The following DENND1A variants were observed in gnomAD, a reference collection of about 807,000 sequenced individuals.
DENND1A encodes the protein DENN domain containing 1A.
In DENND1A, 51 loss-of-function variants were observed where a neutral mutation model predicts 113.7. That is an observed-to-expected ratio of 0.45 (90% confidence interval 0.36 to 0.57). DENND1A has a LOEUF of 0.57. Among genes scored for constraint, DENND1A ranks in the 20% least tolerant of loss-of-function variants. The pLI, the probability that DENND1A is intolerant of heterozygous loss-of-function variation, is 0.00. For missense variants in DENND1A, 1,258 were observed against 1,395.9 expected, an observed-to-expected ratio of 0.90 and a Z score of 1.57; for synonymous variants, 565 against 570.8, an observed-to-expected ratio of 0.99 and a Z score of 0.14.
chr9:123,490,007 C>T (rs975022673), intron 13 of DENND1A, among the ~76,000 whole-genome samples: 1 of 152,114 alleles, frequency 6.6e-6, no homozygotes, highest in Non-Finnish European at 1.5e-5. Flanking sequence ...TCTCAGGAGA[C>T]TGGAACAATA....
chr9:123,629,866 C>A (rs913776594), intron 10 of DENND1A, among the ~76,000 whole-genome samples: 10 of 152,132 alleles, frequency 6.6e-5, no homozygotes, highest in African/African-American at 2.4e-4. Context: ...TAGGAAAAAA[C>A]AAACAAACAA....
chr9:123,432,099 T>C (rs1055760983), intron 19 of DENND1A, among the ~76,000 whole-genome samples: 1 of 152,230 alleles, frequency 6.6e-6, no homozygotes, highest in Non-Finnish European at 1.5e-5. Context: ...TCCAGCTCTC[T>C]ATAACGAGAG....
chr9:123,685,139 A>G (rs1254615790), intron 5 of DENND1A, among the ~76,000 whole-genome samples: 3 of 152,244 alleles, frequency 2.0e-5, no homozygotes, highest in African/African-American at 4.8e-5. Context: ...AGGCTGAAAC[A>G]TATGTAAATG....
At chr9:123,538,727 C>A (rs2055996065) in intron 13 of DENND1A, among the ~76,000 whole-genome samples, 1 of 138,630 alleles carries the variant, frequency 7.2e-6, no homozygotes, top group Non-Finnish European at 1.5e-5. Flanking sequence ...ATGTTGAAAT[C>A]CACCAGGCAA....
At chr9:123,482,965 T>G (rs979796370) in intron 13 of DENND1A, among the ~76,000 whole-genome samples, 1 of 152,074 alleles carries the variant, frequency 6.6e-6, no homozygotes, top group African/African-American at 2.4e-5. Flanking sequence ...ACCCTAAAAT[T>G]TGGGTGGCTG....
intron 12 of DENND1A, among the ~76,000 whole-genome samples, chr9:123,561,421 T>C (rs1231475457): frequency 6.6e-6 from 1 of 152,226 alleles, no homozygotes; most frequent in Non-Finnish European, 1.5e-5. Context: ...AGACCTCTTG[T>C]CACCCTGAAA....
chr9:123,410,511 C>A (rs1220148633), intron 20 of DENND1A, among the ~76,000 whole-genome samples: 2 of 152,142 alleles, frequency 1.3e-5, no homozygotes, highest in Non-Finnish European at 2.9e-5. Context: ...TGTGGACTCG[C>A]GACGGTCACA....
At chr9:123,554,473 T>C (rs927912312) in intron 13 of DENND1A, among the ~76,000 whole-genome samples, 2 of 152,206 alleles carry the variant, frequency 1.3e-5, no homozygotes, top group African/African-American at 4.8e-5. Flanking sequence ...CAAGCAATCT[T>C]ACATGGGGAA....
chr9:123,584,851 C>A (rs1196812451), intron 11 of DENND1A, among the ~76,000 whole-genome samples: 1 of 152,168 alleles, frequency 6.6e-6, no homozygotes, highest in Non-Finnish European at 1.5e-5. Flanking sequence ...CACCTCTCTG[C>A]CTGCCTGCCT....
intron 1 of DENND1A, among the ~76,000 whole-genome samples, chr9:123,925,156 G>T (rs1322215530): frequency 6.6e-6 from 1 of 152,074 alleles, no homozygotes; most frequent in Non-Finnish European, 1.5e-5. Flanking sequence ...ATTCACCATC[G>T]TAATTCCCAA....
intron 13 of DENND1A, among the ~76,000 whole-genome samples, chr9:123,507,034 C>G (rs568196953): frequency 6.6e-6 from 1 of 152,168 alleles, no homozygotes; most frequent in African/African-American, 2.4e-5. Flanking sequence ...AAAAACAATA[C>G]AAAAATTAGC....
At chr9:123,390,048 C>T (rs962218898) in intron 21 of DENND1A, among the ~76,000 whole-genome samples, 1 of 152,194 alleles carries the variant, frequency 6.6e-6, no homozygotes, top group Non-Finnish European at 1.5e-5. Flanking sequence ...ACTGCTCTGC[C>T]GTCTTGAAGA....
At chr9:123,729,310 G>A (rs1299616990) in intron 5 of DENND1A, among the ~76,000 whole-genome samples, 1 of 152,182 alleles carries the variant, frequency 6.6e-6, no homozygotes, top group African/African-American at 2.4e-5. Context: ...TAGGAAGAGA[G>A]GAAATCAAAT....
At chr9:123,711,505 G>GTATGTATATATATATATATA (rs2066605429) in intron 5 of DENND1A, among the ~76,000 whole-genome samples, 4 of 62,552 alleles carry the variant, frequency 6.4e-5, no homozygotes, top group African/African-American at 3.6e-4. Context: ...ATATATATAT[G>GTATGTATATATATATATATA]TATATATGTA....
At chr9:123,780,507 T>A (rs141379294) in intron 3 of DENND1A, among the ~76,000 whole-genome samples, 51 of 152,338 alleles carry the variant, frequency 3.3e-4, no homozygotes, top group African/African-American at 1.1e-3. Context: ...TGCCTCCTTG[T>A]TTAATCCTCA....
chr9:123,651,870 AT>A lies in DENND1A; in HGVS notation c.618+142del, dbSNP rs1369972723. 1.7e-4 allele frequency: 92 copies of A among 538,342 alleles called. 1 individual carries two copies. Among genetic ancestry groups the A allele is most frequent in the Non-Finnish European group, 2.3e-4 (76 of 327,790 alleles). The allele number at this position is 538,342 out of a possible 1,614,324, so 33.3% of individuals were successfully genotyped here. On this transcript the variant is annotated intron_variant, in intron 9 of 23. Coordinates refer to ENST00000394215, the MANE Select transcript of DENND1A (RefSeq NM_001352964.2). ...GCATTGGCACTGTAAAAAAAAAAAA[AT>A]GAACAATTAATGAAAATGACATGCT... is the stretch of plus-strand genomic sequence containing the variant.
At chr9:123,484,572 G>A (rs2050627312) in intron 13 of DENND1A, among the ~76,000 whole-genome samples, 1 of 152,138 alleles carries the variant, frequency 6.6e-6, no homozygotes. Context: ...TTAGGACCCT[G>A]CCCCGGCCCC....
At chr9:123,429,297 T>C (rs1011522157) in intron 19 of DENND1A, among the ~76,000 whole-genome samples, 2 of 152,216 alleles carry the variant, frequency 1.3e-5, no homozygotes, top group African/African-American at 4.8e-5. Flanking sequence ...GGCTTGTGCC[T>C]GTAATCCCAG....
intron 1 of DENND1A, among the ~76,000 whole-genome samples, chr9:123,903,985 G>C (rs576050757): frequency 2.6e-5 from 4 of 152,240 alleles, no homozygotes; most frequent in Admixed American, 2.6e-4. Flanking sequence ...TGACAGCTTT[G>C]AAGAGAGCAG....
Sources: allele counts gnomAD v4.1 joint callset (sites outside exome capture counted in the v4.1 genomes callset), GRCh38; gene constraint gnomAD v4.1.1; transcripts MANE v1.5; gene names NCBI Gene and HGNC (gene_info 2026-07-23, HGNC 2026-07-21).